Variants in FAM117A observed in about 807,000 individuals in gnomAD.
The protein encoded by FAM117A is family with sequence similarity 117 member A, also known as protein FAM117A.
FAM117A carries 21 observed loss-of-function variants against 44.1 expected under a neutral mutation model. The ratio of observed to expected loss-of-function variants is 0.48; its 90% confidence interval spans 0.34 to 0.69. The LOEUF is 0.69. Ranked by LOEUF, FAM117A falls within the 30% of genes least tolerant of loss-of-function variation. The pLI, the probability that FAM117A is intolerant of heterozygous loss-of-function variation, is 0.01. For synonymous variants in FAM117A, 220 were observed against 238.3 expected (o/e 0.92, Z 0.71); for missense variants, 498 against 589.9 (o/e 0.84, Z 1.61).
In FAM117A at chr17:49,722,586, CAG is replaced by C; in HGVS notation, c.373_374del (p.Leu125ValfsTer8). 6.2e-7 allele frequency: 1 copy of C among 1,613,780 alleles called. No individual in the cohort carries two copies. Among genetic ancestry groups the C allele is most frequent in the Middle Eastern group, 1.7e-4 (1 of 6,034 alleles). ...GCTCACCTTCTAGCTCTTGCCAGGA[CAG>C]GGGCGTCTGCAGGGAGAGAAACACA... The part of the protein sequence containing the change: ...CTNDKATQTP[L>X]SWQELEGERA... On this transcript the variant is annotated frameshift_variant, in exon 3 of 8. Coordinates refer to ENST00000240364, the MANE Select transcript of FAM117A (RefSeq NM_030802.4). LOFTEE classifies it high-confidence loss of function.
chr17:49,756,361 C>G (rs2073698608), intron 1 of FAM117A, among the ~76,000 whole-genome samples: 1 of 151,954 alleles, frequency 6.6e-6, no homozygotes, highest in Admixed American at 6.6e-5. Context: ...GAGGTAATAC[C>G]TTGGTGCTCT....
intron 1 of FAM117A, among the ~76,000 whole-genome samples, chr17:49,787,239 T>C (rs1426766277): frequency 1.3e-5 from 2 of 152,090 alleles, no homozygotes; most frequent in African/African-American, 4.8e-5. Context: ...AACAGAGTAA[T>C]GTATGAAATT....
chr17:49,716,406 G>T, intron 6 of FAM117A, 91 bp from the exon 7 acceptor site: 1 of 1,144,092 alleles, frequency 8.7e-7, no homozygotes, highest in Non-Finnish European at 1.2e-6. Flanking sequence ...TGGCAAGGCT[G>T]GGGACACATG....
At chr17:49,777,570 G>A (rs1027064909) in intron 1 of FAM117A, among the ~76,000 whole-genome samples, 2 of 151,946 alleles carry the variant, frequency 1.3e-5, no homozygotes, top group Non-Finnish European at 2.9e-5. Context: ...CTTAATAGCT[G>A]TTTTTGGAGG....
intron 1 of FAM117A, among the ~76,000 whole-genome samples, chr17:49,736,171 TCTTTC>T (rs992039242): frequency 6.6e-6 from 1 of 152,208 alleles, no homozygotes; most frequent in African/African-American, 2.4e-5. Context: ...CTTATAAACA[TCTTTC>T]CAAATCAATA....
chr17:49,761,974 C>T (rs1401773556), intron 1 of FAM117A, among the ~76,000 whole-genome samples: 1 of 152,198 alleles, frequency 6.6e-6, no homozygotes, highest in African/African-American at 2.4e-5. Flanking sequence ...AAGCAAGAGT[C>T]CACCCAACTT....
chr17:49,712,732 C>G (rs2073484537), intron 7 of FAM117A, among the ~76,000 whole-genome samples: 1 of 152,092 alleles, frequency 6.6e-6, no homozygotes, highest in African/African-American at 2.4e-5. Context: ...CCAGGCTGGC[C>G]TCCAGAAAGG....
chr17:49,720,394 G>A lies in FAM117A; in HGVS notation c.505C>T (p.Arg169Cys), dbSNP rs781423934. The A allele has an allele frequency of 2.2e-5, 36 of 1,613,654 alleles. No homozygotes were observed. The highest frequency in any genetic ancestry group is 6.7e-5 in the Admixed American group (4 of 60,004). ...KQQLQRTKLSRSGKEKERGSP... is the reference protein window; with the variant it reads ...KQQLQRTKLSCSGKEKERGSP... ...CCTCGCTCCTTCTCTTTCCCACTGC[G>A]GCTCAGCTTCGTCCTCTGCAGTTGT... is the stretch of plus-strand genomic sequence containing the variant. The change falls in exon 4 of 8, where the codon CGC becomes TGC. Residue 169 changes from arginine to cysteine, a missense_variant. This residue lies in a region of FAM117A where 270 missense variants were observed against 277.4 expected (regional missense o/e 0.97). Transcript: ENST00000240364.
upstream of FAM117A, chr17:49,788,835 A>G (rs150479573): frequency 3.8e-6 from 6 of 1,586,380 alleles, no homozygotes; most frequent in Admixed American, 1.8e-5. Flanking sequence ...GCCGCCGGCA[A>G]TGCCGCGAAG....
chr17:49,782,438 C>T (rs540513793), intron 1 of FAM117A, among the ~76,000 whole-genome samples: 42 of 148,578 alleles, frequency 2.8e-4, no homozygotes, highest in African/African-American at 5.7e-4. Context: ...GCCTGTAATC[C>T]GAGCATTTTG....
At chr17:49,713,628 TCCTCA>T (rs527587762) in intron 7 of FAM117A, among the ~76,000 whole-genome samples, 167 of 152,068 alleles carry the variant, frequency 1.1e-3, no homozygotes, top group African/African-American at 3.9e-3. Flanking sequence ...CACCTAAGCC[TCCTCA>T]GTAGCTAGGA....
intron 1 of FAM117A, among the ~76,000 whole-genome samples, chr17:49,779,944 C>T (rs536006676): frequency 6.6e-6 from 1 of 152,324 alleles, no homozygotes; most frequent in African/African-American, 2.4e-5. Context: ...CATGTAATTT[C>T]CAGACTAGCA....
intron 1 of FAM117A, among the ~76,000 whole-genome samples, chr17:49,739,856 A>G (rs1466642577): frequency 6.6e-6 from 1 of 152,220 alleles, no homozygotes; most frequent in African/African-American, 2.4e-5. Flanking sequence ...GTGGGGTATT[A>G]TCAGCCCATC....
intron 1 of FAM117A, chr17:49,732,964 A>G: frequency 2.0e-6 from 1 of 508,270 alleles, no homozygotes; most frequent in East Asian, 3.3e-5. Context: ...CTTGGATGTT[A>G]CTTTATAAAT....
At chr17:49,783,372 G>A (rs1333492497) in intron 1 of FAM117A, among the ~76,000 whole-genome samples, 2 of 152,190 alleles carry the variant, frequency 1.3e-5, no homozygotes, top group Admixed American at 6.5e-5. Flanking sequence ...GGGCAGAGGT[G>A]GGAGAAGAAC....
chr17:49,751,590 A>C (rs2073677784), intron 1 of FAM117A, among the ~76,000 whole-genome samples: 2 of 151,806 alleles, frequency 1.3e-5, no homozygotes, highest in East Asian at 1.9e-4. Flanking sequence ...AAAATAAATA[A>C]ATAAATAAAT....
chr17:49,780,406 T>C (rs753726359), intron 1 of FAM117A, among the ~76,000 whole-genome samples: 2 of 152,176 alleles, frequency 1.3e-5, no homozygotes, highest in South Asian at 2.1e-4. Context: ...GCTTTTATAA[T>C]GGCCCCTCCA....
intron 1 of FAM117A, among the ~76,000 whole-genome samples, chr17:49,745,967 C>G (rs1414955994): frequency 2.6e-5 from 4 of 152,168 alleles, no homozygotes; most frequent in Non-Finnish European, 4.4e-5. Context: ...TACTTTTGTA[C>G]CAACCTCATA....
intron 1 of FAM117A, among the ~76,000 whole-genome samples, chr17:49,763,034 T>C (rs974288654): frequency 6.6e-6 from 1 of 151,880 alleles, no homozygotes; most frequent in Non-Finnish European, 1.5e-5. Flanking sequence ...TTGGCTGCAA[T>C]GCCCCGGACA....
Sources: gnomAD v4.1 joint callset for allele counts (sites outside exome capture counted in the v4.1 genomes callset) on GRCh38, gnomAD v4.1.1 for gene constraint, gnomAD v4.1.1 regional missense constraint, MANE v1.5 for transcripts, NCBI Gene and HGNC (gene_info 2026-07-23, HGNC 2026-07-21) for gene names.